SLC25A13: variants seen among roughly 807,000 people sequenced by gnomAD.
The protein encoded by SLC25A13 is solute carrier family 25 member 13.
SLC25A13 carries 70 observed loss-of-function variants against 85.5 expected under a neutral mutation model. The observed-to-expected ratio is 0.82, with a 90% CI of 0.68 to 1.00. The LOEUF (loss-of-function observed/expected upper bound fraction) is 1.00, where lower values mean the gene tolerates loss of function less well. Ranked by LOEUF, SLC25A13 falls within the 50% of genes least tolerant of loss-of-function variation. The pLI is 0.00. For synonymous variants in SLC25A13, 259 were observed against 288.7 expected (o/e 0.90, Z 1.04); for missense variants, 765 against 819.8 (o/e 0.93, Z 0.82).
chr7:96,299,841 T>C (rs551357325), intron 1 of SLC25A13, among the ~76,000 whole-genome samples: 3 of 152,348 alleles, frequency 2.0e-5, no homozygotes, highest in Admixed American at 6.5e-5. Context: ...TACAAATCTA[T>C]ACAGCATGTT....
intron 2 of SLC25A13, among the ~76,000 whole-genome samples, chr7:96,279,459 C>T (rs781700604): frequency 1.3e-5 from 2 of 152,096 alleles, no homozygotes; most frequent in African/African-American, 2.4e-5. Flanking sequence ...TGGTGGAAGG[C>T]GAATGAGGAG....
At chr7:96,271,344 C>T (rs535503905) in intron 3 of SLC25A13, among the ~76,000 whole-genome samples, 18 of 152,170 alleles carry the variant, frequency 1.2e-4, no homozygotes, top group African/African-American at 3.9e-4. Flanking sequence ...AATTACTACA[C>T]GCCAACTAGA....
rs879811089 is a variant in SLC25A13 at position 96,298,434 on chromosome 7, CT to C, written c.16-1484del. Among the ~76,000 whole-genome samples, 148 of 147,226 alleles carry C rather than the reference CT, an allele frequency of 1.0e-3. 1 individual carries two copies. The highest frequency in any genetic ancestry group is 3.6e-3 in the Middle Eastern group (1 of 278). ...AGGCTATTCATAAGAATTTGTAATA[CT>C]TTTTTTTTTTTCTTTGAGATGGAGT... On this transcript the variant is annotated intron_variant, in intron 1 of 17. Transcript: ENST00000265631.
chr7:96,151,001 A>AT (rs1488079633), intron 13 of SLC25A13, among the ~76,000 whole-genome samples: 2 of 152,132 alleles, frequency 1.3e-5, no homozygotes. Flanking sequence ...AGACAAACTG[A>AT]TATGACAGTT....
intron 14 of SLC25A13, among the ~76,000 whole-genome samples, chr7:96,136,357 G>A (rs1314912302): frequency 6.6e-6 from 1 of 152,198 alleles, no homozygotes; most frequent in East Asian, 1.9e-4. Context: ...TGTGGACACT[G>A]TGCTGAAAGC....
chr7:96,289,648 A>G (rs1799036848), intron 2 of SLC25A13, among the ~76,000 whole-genome samples: 2 of 152,238 alleles, frequency 1.3e-5, no homozygotes, highest in Admixed American at 6.5e-5. Context: ...CAACTGGAAG[A>G]AAGGGTATCA....
intron 13 of SLC25A13, among the ~76,000 whole-genome samples, chr7:96,153,380 C>T (rs986975982): frequency 1.3e-5 from 2 of 152,208 alleles, no homozygotes; most frequent in African/African-American, 4.8e-5. Context: ...TTACTGTGAT[C>T]TGTAACACAG....
rs890038650 is a variant in SLC25A13 at position 96,302,167 on chromosome 7, C to T, written c.16-5216G>A. Among the ~76,000 whole-genome samples the T allele has an allele frequency of 2.0e-5, 3 of 152,054 alleles. No homozygotes were observed. The East Asian group carries it at 5.8e-4, about 29-fold the overall frequency. On this transcript the variant is annotated intron_variant, in intron 1 of 17. Transcript: ENST00000265631. ...CAAAACACATACTAGGTAGGTACAT[C>T]CTAGAAATAAAAAGAAAAACAATAA...
At chr7:96,160,676 C>A (rs935495772) in intron 13 of SLC25A13, among the ~76,000 whole-genome samples, 1 of 152,202 alleles carries the variant, frequency 6.6e-6, no homozygotes, top group East Asian at 1.9e-4. Flanking sequence ...AGGTCCCACT[C>A]TTCTAATACC....
intron 12 of SLC25A13, 138 bp downstream of exon 12, chr7:96,171,334 T>G (rs1793990176): frequency 1.3e-6 from 1 of 756,784 alleles, no homozygotes; most frequent in Admixed American, 2.1e-5. Context: ...TGAAAAAATG[T>G]GTGTGGTGAG....
chr7:96,194,892 C>T (rs1795002548), intron 5 of SLC25A13, among the ~76,000 whole-genome samples: 1 of 152,174 alleles, frequency 6.6e-6, no homozygotes, highest in Admixed American at 6.5e-5. Context: ...TTGTAGCCAT[C>T]TGCCAGTTTC....
intron 1 of SLC25A13, among the ~76,000 whole-genome samples, chr7:96,307,573 TA>T (rs796981652): frequency 1.0e-3 from 142 of 138,278 alleles, no homozygotes; most frequent in Admixed American, 1.3e-3. Context: ...AAAATTTAAT[TA>T]AAAAAAAAAA....
At chr7:96,296,290 A>G (rs1031502030) in intron 2 of SLC25A13, among the ~76,000 whole-genome samples, 1 of 152,154 alleles carries the variant, frequency 6.6e-6, no homozygotes, top group Non-Finnish European at 1.5e-5. Flanking sequence ...AGAAAAAGCT[A>G]TACGGGTCAA....
At chr7:96,264,745 C>T (rs992183828) in intron 3 of SLC25A13, among the ~76,000 whole-genome samples, 3 of 151,384 alleles carry the variant, frequency 2.0e-5, no homozygotes, top group Non-Finnish European at 4.4e-5. Context: ...GACAGGGTCT[C>T]GCTATGTTAG....
chr7:96,128,939 G>GCTCTCTCTCTCTCT (rs58984088), intron 15 of SLC25A13, among the ~76,000 whole-genome samples: 2,019 of 81,828 alleles, frequency 0.025, 321 homozygotes, highest in Non-Finnish European at 0.031. Context: ...TGCCTTGCTT[G>GCTCTCTCTCTCTCT]CTCTCTCTCT....
intron 3 of SLC25A13, among the ~76,000 whole-genome samples, chr7:96,263,250 C>G (rs983536459): frequency 1.3e-5 from 2 of 152,116 alleles, no homozygotes; most frequent in Non-Finnish European, 2.9e-5. Flanking sequence ...CCAGGTTACC[C>G]TTTACCACTC....
At chr7:96,241,076 AAGAAAGAAAGAAAG>A (rs1246979333) in intron 3 of SLC25A13, among the ~76,000 whole-genome samples, 2 of 150,344 alleles carry the variant, frequency 1.3e-5, no homozygotes, top group South Asian at 4.5e-4. Flanking sequence ...GAAAGAAAGA[AAGAAAGAAAGAAAG>A]AAAGAAAGAA....
chr7:96,256,694 G>T (rs1797650004), intron 3 of SLC25A13, among the ~76,000 whole-genome samples: 1 of 152,140 alleles, frequency 6.6e-6, no homozygotes, highest in South Asian at 2.1e-4. Flanking sequence ...TTCAGAACTT[G>T]AAGTCAGCTC....
intron 3 of SLC25A13, among the ~76,000 whole-genome samples, chr7:96,236,531 G>A (rs947961353): frequency 3.9e-5 from 6 of 152,188 alleles, no homozygotes; most frequent in Admixed American, 1.3e-4. Context: ...GCTTCATGGC[G>A]GCATGGTATT....
Sources: gnomAD v4.1 joint callset for allele counts (sites outside exome capture counted in the v4.1 genomes callset) on GRCh38, gnomAD v4.1.1 for gene constraint, MANE v1.5 for transcripts, NCBI Gene and HGNC (gene_info 2026-07-23, HGNC 2026-07-21) for gene names.